The following LACTB2 variants were observed in gnomAD, a reference collection of about 807,000 sequenced individuals.
The protein encoded by LACTB2 is lactamase beta 2.
In LACTB2, 32 loss-of-function variants were observed where a neutral mutation model predicts 34.8. The ratio of observed to expected loss-of-function variants is 0.92; its 90% CI spans 0.69 to 1.24. LACTB2 has a LOEUF of 1.24. Among genes scored for constraint, LACTB2 ranks in the 50% most tolerant of loss-of-function variants. LACTB2 has a pLI of 0.00. For missense variants in LACTB2, 320 were observed against 345.0 expected (o/e 0.93, Z 0.57); for synonymous variants, 120 against 117.5 (o/e 1.02, Z -0.14).
chr8:70,661,030 T>C (rs1280670676), intron 2 of LACTB2: 8 of 450,978 alleles, frequency 1.8e-5, no homozygotes, highest in South Asian at 9.5e-5. Context: ...TCCACACACC[T>C]TGACCTCCCA....
intron 3 of LACTB2, among the ~76,000 whole-genome samples, chr8:70,644,748 G>A (rs920338528): frequency 1.3e-5 from 2 of 152,048 alleles, no homozygotes; most frequent in African/African-American, 4.8e-5. Context: ...CCAAAGTGCT[G>A]GGATTACAGG....
intron 1 of LACTB2, among the ~76,000 whole-genome samples, chr8:70,665,267 G>C (rs904282047): frequency 6.6e-6 from 1 of 152,182 alleles, no homozygotes; most frequent in Non-Finnish European, 1.5e-5. Flanking sequence ...GAGTATGGAT[G>C]AATCTGTATA....
intron 3 of LACTB2, among the ~76,000 whole-genome samples, chr8:70,654,406 A>G (rs1818383076): frequency 6.6e-6 from 1 of 151,950 alleles, no homozygotes; most frequent in African/African-American, 2.4e-5. Context: ...ATTATCTTGT[A>G]TGCAGCGAGA....
In LACTB2 at chr8:70,669,115, A is replaced by G; in HGVS notation, c.6T>C (p.Ala2=). ...GCCGCTCGACGCGCTGCAGTACAGC[A>G]GCCATTCCCGCCTCAGCCGCCCGCC... M[A]AVLQRVERLS... is the part of the protein sequence containing the mutation. Residue 2 remains alanine (A), a synonymous_variant, in exon 1 of 7, where the codon GCT becomes GCC. Coordinates refer to ENST00000276590, the MANE Select transcript of LACTB2 (RefSeq NM_016027.3). The G allele has an allele frequency of 6.3e-7, 1 of 1,599,164 alleles. No individual in the cohort carries two copies. The highest frequency in any genetic ancestry group is 8.5e-7 in the Non-Finnish European group (1 of 1,173,046).
At chr8:70,654,519 G>C (rs1818384812) in intron 3 of LACTB2, 1 of 152,050 alleles carries the variant, frequency 6.6e-6, no homozygotes. Context: ...ATGTGAAGAA[G>C]GGATAGCACT....
intron 3 of LACTB2, among the ~76,000 whole-genome samples, chr8:70,650,145 G>C (rs1818320486): frequency 6.6e-6 from 1 of 152,012 alleles, no homozygotes; most frequent in Non-Finnish European, 1.5e-5. Context: ...ACCATGCCCA[G>C]CCTAAGTAAA....
In LACTB2 at chr8:70,637,849, T is replaced by G. The variant is rs1415419433; in HGVS notation, c.*11A>C. ...AAAGCAAAATAAAACAAAGCTTTCT[T>G]TAATCTGAAACTAAAGATGAGCTTT... On this transcript the variant is annotated 3_prime_UTR_variant, in exon 7 of 7. Transcript: ENST00000276590. 1 of 1,531,940 alleles carries G rather than the reference T, an allele frequency of 6.5e-7. No individual in the cohort carries two copies. The highest frequency in any genetic ancestry group is 8.8e-7 in the Non-Finnish European group (1 of 1,133,038). The allele number at this position is 1,531,940 out of a possible 1,614,324, so 94.9% of individuals were successfully genotyped here.
intron 4 of LACTB2, among the ~76,000 whole-genome samples, chr8:70,642,764 G>A (rs924301230): frequency 6.6e-6 from 1 of 152,130 alleles, no homozygotes; most frequent in Non-Finnish European, 1.5e-5. Flanking sequence ...GATTACAGGC[G>A]TGAGCCACTG....
chr8:70,641,233 C>T (rs1036710424), intron 4 of LACTB2, among the ~76,000 whole-genome samples, 183 bp from the exon 5 acceptor site: 2 of 151,872 alleles, frequency 1.3e-5, no homozygotes, highest in Non-Finnish European at 2.9e-5. Context: ...TATACAATAC[C>T]CCCCAATTAG....
intron 2 of LACTB2, among the ~76,000 whole-genome samples, chr8:70,658,136 G>A (rs1044389412): frequency 6.6e-6 from 1 of 152,098 alleles, no homozygotes; most frequent in Non-Finnish European, 1.5e-5. Flanking sequence ...GTCAGTCCTA[G>A]TTTATACAAA....
intron 2 of LACTB2, chr8:70,660,298 G>A (rs566585122): frequency 1.4e-5 from 4 of 286,128 alleles, no homozygotes; most frequent in African/African-American, 6.7e-5. Context: ...TAGATTAAAA[G>A]AAGAGGTAAG....
chr8:70,644,931 G>T (rs1480487496), intron 3 of LACTB2, among the ~76,000 whole-genome samples: 3 of 151,700 alleles, frequency 2.0e-5, no homozygotes, highest in African/African-American at 7.3e-5. Flanking sequence ...TATACTTTTT[G>T]ATTTTCTATG....
chr8:70,663,959 G>A (rs1172011461), intron 1 of LACTB2, among the ~76,000 whole-genome samples: 1 of 151,988 alleles, frequency 6.6e-6, no homozygotes, highest in African/African-American at 2.4e-5. Context: ...ATAATACATT[G>A]TACTGCACTT....
At chr8:70,650,918 T>C (rs950745489) in intron 3 of LACTB2, among the ~76,000 whole-genome samples, 3 of 151,760 alleles carry the variant, frequency 2.0e-5, no homozygotes, top group Admixed American at 6.6e-5. Flanking sequence ...TATTAAAAAA[T>C]GCAAGAATGC....
At chr8:70,652,486 G>A (rs1425908405) in intron 3 of LACTB2, 2 of 152,140 alleles carry the variant, frequency 1.3e-5, no homozygotes, top group East Asian at 3.8e-4. Flanking sequence ...TTTAAAATGT[G>A]TCTGTTTTTG....
At chr8:70,654,893 T>C (rs974625031) in intron 3 of LACTB2, 2 of 152,230 alleles carry the variant, frequency 1.3e-5, no homozygotes, top group African/African-American at 4.8e-5. Context: ...CTGACAAATA[T>C]ATTTTTTCCA....
chr8:70,660,323 G>A (rs1818465835), intron 2 of LACTB2: 1 of 298,778 alleles, frequency 3.3e-6, no homozygotes, highest in Non-Finnish European at 6.5e-6. Context: ...AATTAAAAGA[G>A]GTAAGACAAG....
chr8:70,666,397 G>A (rs1216702351), intron 1 of LACTB2, among the ~76,000 whole-genome samples: 1 of 152,208 alleles, frequency 6.6e-6, no homozygotes, highest in Non-Finnish European at 1.5e-5. Flanking sequence ...AAGGATGAAT[G>A]AGATTAGCTG....
intron 3 of LACTB2, among the ~76,000 whole-genome samples, chr8:70,647,720 A>G (rs1191530351): frequency 6.6e-6 from 1 of 152,242 alleles, no homozygotes; most frequent in Admixed American, 6.5e-5. Flanking sequence ...TGCACTGCAG[A>G]ATTCCTCAAA....
Sources: gnomAD v4.1 joint callset for allele counts (sites outside exome capture counted in the v4.1 genomes callset) on GRCh38, gnomAD v4.1.1 for gene constraint, MANE v1.5 for transcripts, NCBI Gene and HGNC (gene_info 2026-07-23, HGNC 2026-07-21) for gene names.